The following EGFR variants were observed in gnomAD, a reference collection of about 807,000 sequenced individuals.
The protein encoded by EGFR is avian erythroblastic leukemia viral (v-erb-b) oncogene homolog.
A neutral mutation model predicts 143.0 loss-of-function variants in EGFR; 58 were observed. That is an observed-to-expected ratio of 0.41 (90% confidence interval 0.33 to 0.50). The LOEUF (loss-of-function observed/expected upper bound fraction) is 0.50, where lower values mean the gene tolerates loss of function less well. Ranked by LOEUF, EGFR falls within the 20% of genes least tolerant of loss-of-function variation. EGFR has a pLI of 0.39. For missense variants in EGFR, 1,307 were observed against 1,579.0 expected, an observed-to-expected ratio of 0.83 and a Z score of 2.92; for synonymous variants, 613 against 594.4, an observed-to-expected ratio of 1.03 and a Z score of -0.45.
intron 1 of EGFR, among the ~76,000 whole-genome samples, chr7:55,078,604 G>A (rs1790272609): frequency 6.6e-6 from 1 of 152,214 alleles, no homozygotes; most frequent in Non-Finnish European, 1.5e-5. Flanking sequence ...TCAGGGTGGG[G>A]GCCACACGGG....
chr7:55,137,241 G>A (rs1562748417), intron 1 of EGFR, among the ~76,000 whole-genome samples: 1 of 152,280 alleles, frequency 6.6e-6, no homozygotes, highest in East Asian at 1.9e-4. Context: ...CAACTTGGAG[G>A]CCAAGGGGAG....
At chr7:55,104,527 C>T (rs1214831578) in intron 1 of EGFR, among the ~76,000 whole-genome samples, 1 of 152,202 alleles carries the variant, frequency 6.6e-6, no homozygotes, top group African/African-American at 2.4e-5. Flanking sequence ...TAGAGCCTAT[C>T]TGTGGGGGTT....
chr7:55,194,296 G>A (rs1166735638), intron 22 of EGFR, among the ~76,000 whole-genome samples: 2 of 149,232 alleles, frequency 1.3e-5, no homozygotes, highest in African/African-American at 2.5e-5. Context: ...GTGCAGTCTC[G>A]GCTCACTGCA....
At chr7:55,077,984 G>T (rs557402466) in intron 1 of EGFR, among the ~76,000 whole-genome samples, 1 of 152,142 alleles carries the variant, frequency 6.6e-6, no homozygotes, top group Non-Finnish European at 1.5e-5. Flanking sequence ...GACCGGTGAC[G>T]CCGTGGGTGT....
At chr7:55,126,083 C>G (rs956164048) in intron 1 of EGFR, among the ~76,000 whole-genome samples, 1 of 152,160 alleles carries the variant, frequency 6.6e-6, no homozygotes, top group South Asian at 2.1e-4. Context: ...GGCGGGGCCC[C>G]GCTTGTCCTT....
intron 1 of EGFR, among the ~76,000 whole-genome samples, chr7:55,025,695 A>G (rs184653769): frequency 1.3e-5 from 2 of 152,224 alleles, no homozygotes; most frequent in East Asian, 3.9e-4. Context: ...TTCTCCTCTC[A>G]CAGTTTCCTG....
intron 1 of EGFR, among the ~76,000 whole-genome samples, chr7:55,075,341 G>T (rs1464476092): frequency 2.6e-5 from 4 of 152,160 alleles, no homozygotes; most frequent in Non-Finnish European, 4.4e-5. Context: ...TTGTATGGAG[G>T]TCATTTTATT....
chr7:55,120,186 G>A (rs1233454357), intron 1 of EGFR, among the ~76,000 whole-genome samples: 1 of 152,184 alleles, frequency 6.6e-6, no homozygotes, highest in Non-Finnish European at 1.5e-5. Context: ...CCTGGCAGGA[G>A]GACTGCAGAC....
chr7:55,069,981 A>T (rs1226554916), intron 1 of EGFR, among the ~76,000 whole-genome samples: 2 of 152,250 alleles, frequency 1.3e-5, no homozygotes, highest in African/African-American at 4.8e-5. Flanking sequence ...TACATCATGT[A>T]CAAAACTGAG....
intron 1 of EGFR, among the ~76,000 whole-genome samples, chr7:55,122,796 C>T (rs7786831): frequency 0.077 from 11,703 of 152,328 alleles, 545 homozygotes; most frequent in Middle Eastern, 0.19. Context: ...GCTGCCTCAA[C>T]TTCTTTTCCA....
chr7:55,152,521 A>G, intron 5 of EGFR, 25 bp from the exon 6 acceptor site: 1 of 1,603,322 alleles, frequency 6.2e-7, no homozygotes, highest in Non-Finnish European at 8.5e-7. Flanking sequence ...TCTTCAGCTC[A>G]CAGGGAACCT....
rs376011908 is a variant in EGFR at position 55,198,878 on chromosome 7, G to T, written c.2848+15G>T. 3.4e-4 allele frequency: 543 copies of T among 1,613,732 alleles called. 2 individuals are homozygous for T. The highest frequency in any genetic ancestry group is 4.3e-4 in the Non-Finnish European group (508 of 1,180,010). On this transcript the variant is annotated intron_variant, in intron 23 of 27. Coordinates refer to ENST00000275493, the MANE Select transcript of EGFR (RefSeq NM_005228.5). ...CATGGTCAAGTGTGAGTGACTGGTG[G>T]GTCTGTCCACACTGCCTAGCTGAGC...
At chr7:55,025,324 C>T (rs929044015) in intron 1 of EGFR, among the ~76,000 whole-genome samples, 3 of 152,052 alleles carry the variant, frequency 2.0e-5, no homozygotes, top group Non-Finnish European at 2.9e-5. Flanking sequence ...CAGGGGACTC[C>T]GGGGCTGATC....
At chr7:55,142,930 C>G (rs1323311647) in intron 2 of EGFR, among the ~76,000 whole-genome samples, 4 of 152,118 alleles carry the variant, frequency 2.6e-5, no homozygotes, top group Admixed American at 6.5e-5. Flanking sequence ...GTTTACTTAG[C>G]CTTCTTCTGT....
At chr7:55,070,530 T>C (rs1438808137) in intron 1 of EGFR, among the ~76,000 whole-genome samples, 1 of 152,242 alleles carries the variant, frequency 6.6e-6, no homozygotes, top group Non-Finnish European at 1.5e-5. Flanking sequence ...CAAACATGCG[T>C]ACATAATAGC....
At chr7:55,172,509 A>G (rs1486274711) in intron 16 of EGFR, among the ~76,000 whole-genome samples, 1 of 152,204 alleles carries the variant, frequency 6.6e-6, no homozygotes, top group Admixed American at 6.5e-5. Context: ...TTAAAAGCCA[A>G]GGACCCAGAG....
chr7:55,091,608 C>G (rs115025977), intron 1 of EGFR, among the ~76,000 whole-genome samples: 1 of 152,194 alleles, frequency 6.6e-6, no homozygotes, highest in African/African-American at 2.4e-5. Context: ...CATGTCGAAG[C>G]TATTGGTGGA....
chr7:55,053,871 G>A (rs1461274895), intron 1 of EGFR, among the ~76,000 whole-genome samples: 1 of 152,214 alleles, frequency 6.6e-6, no homozygotes, highest in African/African-American at 2.4e-5. Context: ...GAAGCTCTTA[G>A]CCAATCTGCT....
intron 1 of EGFR, among the ~76,000 whole-genome samples, chr7:55,079,424 C>G (rs1005983579): frequency 6.6e-6 from 1 of 152,204 alleles, no homozygotes; most frequent in South Asian, 2.1e-4. Context: ...AAGAAATGGA[C>G]TGTGTTAGGA....
Sources: gnomAD v4.1 joint callset for allele counts (sites outside exome capture counted in the v4.1 genomes callset) on GRCh38, gnomAD v4.1.1 for gene constraint, MANE v1.5 for transcripts, NCBI Gene and HGNC (gene_info 2026-07-23, HGNC 2026-07-21) for gene names.